Variants in TTLL10 observed in about 807,000 individuals in gnomAD.
The protein encoded by TTLL10 is tubulin tyrosine ligase like 10.
In TTLL10, 61 loss-of-function variants were observed where a neutral mutation model predicts 69.0. The observed-to-expected ratio is 0.88, with a 90% CI of 0.72 to 1.09. The LOEUF (loss-of-function observed/expected upper bound fraction) is 1.09, where lower values mean the gene tolerates loss of function less well. Among genes scored for constraint, TTLL10 ranks in the 50% least tolerant of loss-of-function variants. The probability of loss-of-function intolerance (pLI) is 0.00; values close to 1 mark genes in which losing one functional copy is unlikely to be tolerated. For missense variants in TTLL10, 962 were observed against 945.9 expected, an observed-to-expected ratio of 1.02 and a Z score of -0.22; for synonymous variants, 408 against 393.3, an observed-to-expected ratio of 1.04 and a Z score of -0.44.
At position 1,175,795 on chromosome 1, in the gene TTLL10, T is replaced by G. The variant is rs1557468441; in HGVS notation, c.-28+1306T>G. ...TGGAGAGGCTGCTGCTCCCAGCCGC[T>G]GTGCAGGTGGAGAGAGGCTGCCACC... is the stretch of plus-strand genomic sequence containing the variant. On this transcript the variant is annotated intron_variant, in intron 3 of 15. Transcript: ENST00000379289. 7.5e-6 allele frequency: 3 copies of G among 401,614 alleles called. No individual in the cohort carries two copies. In the East Asian group the frequency reaches 2.7e-4, roughly 36 times the overall value. The allele number at this position is 401,614 out of a possible 1,614,324, so 24.9% of individuals were successfully genotyped here.
intron 11 of TTLL10, among the ~76,000 whole-genome samples, chr1:1,183,458 G>A (rs1436827392): frequency 2.6e-5 from 4 of 152,034 alleles, no homozygotes; most frequent in African/African-American, 7.3e-5. Flanking sequence ...GAGGCTGAAG[G>A]TTTAGACCTG....
Position 1,183,046 on chromosome 1 carries a change from A to T in TTLL10, c.1087A>T (p.Arg363Trp). 1 of 1,598,902 alleles carries T rather than the reference A, an allele frequency of 6.3e-7. No homozygotes were observed. Among genetic ancestry groups the T allele is most frequent in the East Asian group, 2.3e-5 (1 of 43,984 alleles). Residue 363 changes from arginine to tryptophan, a missense_variant and splice_region_variant, in exon 11 of 16, where the codon AGG becomes TGG. Transcript: ENST00000379289. ...FRGPQARVVQRYIQNPLLVDG... is the reference protein window; with the variant it reads ...FRGPQARVVQWYIQNPLLVDG... ...GGGGCCTCAGGCGCGGGTGGTGCAGAGGTGCGGCGGCGGGTGCCCGGAGGG... is the reference window on the plus strand; with the variant it reads ...GGGGCCTCAGGCGCGGGTGGTGCAGTGGTGCGGCGGCGGGTGCCCGGAGGG...
intron 7 of TTLL10, 36 bp from the exon 8 acceptor site, chr1:1,180,695 G>A (rs976706600): frequency 2.4e-5 from 38 of 1,585,726 alleles, no homozygotes; most frequent in African/African-American, 6.8e-5. Flanking sequence ...GAGGTCCTGC[G>A]CTCCCTCCAC....
intron 13 of TTLL10, among the ~76,000 whole-genome samples, chr1:1,194,511 G>A (rs74772326): frequency 1.4e-3 from 211 of 152,328 alleles, no homozygotes; most frequent in Non-Finnish European, 1.9e-3. Context: ...CCTGAAGGAC[G>A]GTAGGGCGGG....
chr1:1,186,092 C>CT (rs200935326), intron 13 of TTLL10, among the ~76,000 whole-genome samples: 21,058 of 143,646 alleles, frequency 0.15, 2,512 homozygotes, highest in East Asian at 0.58. Context: ...CTTTTCTTTT[C>CT]TTTTTTTTTT....
chr1:1,184,500 G>C (rs957816364), intron 12 of TTLL10, among the ~76,000 whole-genome samples: 2 of 152,240 alleles, frequency 1.3e-5, no homozygotes, highest in African/African-American at 4.8e-5. Flanking sequence ...GGAGAGTCCA[G>C]GGTAGGGACC....
intron 13 of TTLL10, among the ~76,000 whole-genome samples, chr1:1,193,185 C>A (rs968533139): frequency 6.6e-6 from 1 of 151,960 alleles, no homozygotes; most frequent in Admixed American, 6.6e-5. Context: ...ATTAGCCAGG[C>A]GTGGTGGTGA....
rs771577026 is a variant in TTLL10, at chr1:1,185,003, T to G, written c.1295T>G (p.Leu432Arg). Residue 432 changes from leucine to arginine, a missense_variant, in exon 13 of 16, where the codon CTG becomes CGG. By Grantham distance (102) the Leu-to-Arg change is moderately radical (BLOSUM62 -2). Transcript: ENST00000379289. The surrounding 1 kb of genome is among the most constrained non-coding windows in gnomAD (Gnocchi z 6.1). Reference sequence around the variant, plus strand: ...AAGAAGAGCCCTCTGTACATGCTGCTGAAGGAGCACACGGTGTGGAGCATG... The same window carrying G: ...AAGAAGAGCCCTCTGTACATGCTGCGGAAGGAGCACACGGTGTGGAGCATG... ...MQKKSPLYML[L>R]KEHTVWSMEH... 5.6e-6 allele frequency: 9 copies of G among 1,613,838 alleles called. No individual in the cohort carries two copies. Among genetic ancestry groups the G allele is most frequent in the Non-Finnish European group, 5.9e-6 (7 of 1,179,918 alleles).
Position 1,183,016 on chromosome 1 carries a change from T to C in TTLL10, c.1057T>C (p.Phe353Leu), listed in dbSNP as rs769064031. ...CGACCCCATCCACCACAAGACGCCGTTCCGGGGGCCTCAGGCGCGGGTGGT... is the reference window on the plus strand; with the variant it reads ...CGACCCCATCCACCACAAGACGCCGCTCCGGGGGCCTCAGGCGCGGGTGGT... ...EDDPIHHKTP[F>L]RGPQARVVQR... The change falls in exon 11 of 16, where the codon TTC becomes CTC. Residue 353 changes from phenylalanine to leucine, a missense_variant. Physicochemically the swap from Phe to Leu is conservative, Grantham distance 22 (BLOSUM62 0). Coordinates refer to ENST00000379289, the MANE Select transcript of TTLL10 (RefSeq NM_001130045.2). 8 of 1,609,158 alleles carry C rather than the reference T, an allele frequency of 5.0e-6. No homozygotes were observed. The highest frequency in any genetic ancestry group is 1.3e-5 in the African/African-American group (1 of 74,796).
chr1:1,197,154 A>G lies in TTLL10; in HGVS notation c.1580A>G (p.Glu527Gly). ...CACACCAACTGCGAGGTCCTGAAGG[A>G]GGTCATCCCAGGTGTGGTCATCGAG... ...ALHTNCEVLK[E>G]VIPGVVIETL... The change falls in exon 15 of 16, where the codon GAG (glutamate) becomes GGG (glycine). Residue 527 changes from glutamate (E) to glycine (G), a missense_variant. Coordinates refer to ENST00000379289, the MANE Select transcript of TTLL10 (RefSeq NM_001130045.2). 6.4e-7 allele frequency: 1 copy of G among 1,550,682 alleles called. No individual in the cohort carries two copies. Among genetic ancestry groups the G allele is most frequent in the Non-Finnish European group, 8.7e-7 (1 of 1,146,758 alleles).
At chr1:1,196,961 C>A in intron 14 of TTLL10, 132 bp from the exon 15 acceptor site, 1 of 938,998 alleles carries the variant, frequency 1.1e-6, no homozygotes, top group Non-Finnish European at 1.6e-6. Flanking sequence ...CTTCAGTGGA[C>A]AAACAGGGGA....
rs4560982 is a variant in TTLL10, at chr1:1,184,277, G to A, written c.1260+186G>A. Among the ~76,000 whole-genome samples the A allele has an allele frequency of 1.2e-4, 19 of 152,158 alleles. No homozygotes were observed. The East Asian group carries it at 1.9e-3, about 15-fold the overall frequency. On this transcript the variant is annotated intron_variant, in intron 12 of 15. Coordinates refer to ENST00000379289, the MANE Select transcript of TTLL10 (RefSeq NM_001130045.2). ...CAGTGAGCACTGCCTCTCACCTCCC[G>A]CTTTTGGCCACGTCAGAAGAAGGGC...
At chr1:1,180,918 C>A (rs1455443041) in intron 8 of TTLL10, 58 bp downstream of exon 8, 22 of 1,424,042 alleles carry the variant, frequency 1.5e-5, no homozygotes, top group Non-Finnish European at 2.0e-5. Context: ...CCTGCCCCTG[C>A]CCCTGCCCCT....
At chr1:1,190,997 G>A (rs992823382) in intron 13 of TTLL10, among the ~76,000 whole-genome samples, 2 of 151,644 alleles carry the variant, frequency 1.3e-5, no homozygotes, top group Non-Finnish European at 2.9e-5. Flanking sequence ...GGCTAATTTT[G>A]TTTGTATTAT....
Position 1,185,187 on chromosome 1 carries a change from C to G in TTLL10, c.1401+78C>G, listed in dbSNP as rs1182600991. 4 of 1,570,594 alleles carry G rather than the reference C, an allele frequency of 2.5e-6. No homozygotes were observed. Among genetic ancestry groups the G allele is most frequent in the African/African-American group, 2.7e-5 (2 of 73,008 alleles). On this transcript the variant is annotated intron_variant, in intron 13 of 15. Coordinates refer to ENST00000379289, the MANE Select transcript of TTLL10 (RefSeq NM_001130045.2). The surrounding 1 kb of genome is among the most constrained non-coding windows in gnomAD (Gnocchi z 6.1). ...GTGTGGTCAGGCTGGGCACCAGGCA[C>G]ACAGATGTCCGTGGCGTGCGTGGGC...
In TTLL10 at chr1:1,185,051, G is replaced by C. The variant is rs1320571; in HGVS notation, c.1343G>C (p.Ser448Thr). Residue 448 changes from serine to threonine, a missense_variant, in exon 13 of 16, where the codon AGT becomes ACT. Coordinates refer to ENST00000379289, the MANE Select transcript of TTLL10 (RefSeq NM_001130045.2). This position sits in a 1 kb window ranked among gnomAD's most constrained non-coding sequence, Gnocchi z 6.1. ...WSMEHLNRYI[S>T]DTFWKARGLA... ...ATGGAACACCTCAACCGCTACATCA[G>C]TGACACGTTCTGGAAGGCCCGGGGC... 4.2e-4 allele frequency: 683 copies of C among 1,613,414 alleles called. 1 individual carries two copies. Among genetic ancestry groups the C allele is most frequent in the Non-Finnish European group, 5.5e-4 (647 of 1,179,904 alleles).
intron 13 of TTLL10, among the ~76,000 whole-genome samples, chr1:1,188,289 T>G (rs1647491452): frequency 6.6e-6 from 1 of 152,220 alleles, no homozygotes; most frequent in Non-Finnish European, 1.5e-5. Flanking sequence ...ATGTGAGTCT[T>G]TCAATATTGT....
rs1311535063 is a variant in TTLL10, at chr1:1,182,513, G to T, written c.916+67G>T. 6 of 1,531,636 alleles carry T rather than the reference G, an allele frequency of 3.9e-6. No homozygotes were observed. In the East Asian group the frequency reaches 1.3e-4, roughly 34 times the overall value. The allele number at this position is 1,531,636 out of a possible 1,614,324, so 94.9% of individuals were successfully genotyped here. A position where few individuals can be genotyped will look rare whatever the true frequency, so the allele number is the denominator to read the frequency against. On this transcript the variant is annotated intron_variant, in intron 10 of 15. Coordinates refer to ENST00000379289, the MANE Select transcript of TTLL10 (RefSeq NM_001130045.2). ...ACAGGGTGAGGGCTGGACCAAGGCGGGGGCTGATGAGGGCAGGGCTGGGTC... is the reference window on the plus strand; with the variant it reads ...ACAGGGTGAGGGCTGGACCAAGGCGTGGGCTGATGAGGGCAGGGCTGGGTC...
chr1:1,190,955 A>G (rs1454797555), intron 13 of TTLL10, among the ~76,000 whole-genome samples: 1 of 152,088 alleles, frequency 6.6e-6, no homozygotes, highest in Non-Finnish European at 1.5e-5. Flanking sequence ...CCTCCCGAGT[A>G]GCTGGGATTA....
Sources: allele counts gnomAD v4.1 joint callset (sites outside exome capture counted in the v4.1 genomes callset), GRCh38; gene constraint gnomAD v4.1.1; non-coding constraint Gnocchi (gnomAD v3.1); transcripts MANE v1.5; gene names NCBI Gene and HGNC (gene_info 2026-07-23, HGNC 2026-07-21).